Variants in LYST observed in about 807,000 individuals in gnomAD.
LYST encodes lysosomal trafficking regulator, also known as lysosomal-trafficking regulator.
LYST carries 192 observed loss-of-function variants against 413.6 expected under a neutral mutation model. That is an observed-to-expected ratio of 0.46 (90% CI 0.41 to 0.52). The LOEUF is 0.52. LYST is among the 20% of genes least tolerant of loss of function. LYST has a pLI of 0.00. For synonymous variants in LYST, 1,525 were observed against 1,567.3 expected, an observed-to-expected ratio of 0.97 and a Z score of 0.64; for missense variants, 3,815 against 4,499.9, an observed-to-expected ratio of 0.85 and a Z score of 4.35.
chr1:235,833,994 G>A (rs918136509), intron 1 of LYST, among the ~76,000 whole-genome samples: 2 of 152,086 alleles, frequency 1.3e-5, no homozygotes, highest in Non-Finnish European at 2.9e-5. Flanking sequence ...AGGAGGCAGC[G>A]GAATATCTAA....
At chr1:235,856,939 GAT>G (rs1679255465) in intron 1 of LYST, among the ~76,000 whole-genome samples, 4 of 128,332 alleles carry the variant, frequency 3.1e-5, no homozygotes, top group Admixed American at 1.6e-4. Context: ...AGGATATACT[GAT>G]TTTTTTTTTT....
Position 235,741,535 on chromosome 1 carries a change from C to A in LYST, c.8245G>T (p.Val2749Leu). ...TFRMQLGRLL[V>L]HILSPAHAAQ... ...GCGTGGGCTGGCGACAAAATATGCA[C>A]TAGTAGTCTCCCAAGCTGCATTCGG... Residue 2749 changes from valine to leucine, a missense_variant, in exon 31 of 53, where the codon GTG becomes TTG. Physicochemically the swap from Val to Leu is conservative, Grantham distance 32. Around this residue, in one of 4 missense-constraint regions of LYST, gnomAD observed 771 missense variants for 837.1 expected, o/e 0.92. Transcript: ENST00000389793. 6.2e-7 allele frequency: 1 copy of A among 1,614,028 alleles called. No individual in the cohort carries two copies. The highest frequency in any genetic ancestry group is 1.6e-4 in the Middle Eastern group (1 of 6,062).
chr1:235,829,781 G>A (rs530727540), intron 3 of LYST: 1 of 161,170 alleles, frequency 6.2e-6, no homozygotes, highest in Non-Finnish European at 1.4e-5. Context: ...ACAAGCTAAA[G>A]GACTCAGTAA....
chr1:235,714,718 G>A (rs1385169353), intron 42 of LYST, among the ~76,000 whole-genome samples: 1 of 152,148 alleles, frequency 6.6e-6, no homozygotes, highest in Non-Finnish European at 1.5e-5. Context: ...TGATGTAGAA[G>A]ATTATTAACT....
At chr1:235,699,297 C>T (rs984947731) in intron 45 of LYST, among the ~76,000 whole-genome samples, 1 of 152,122 alleles carries the variant, frequency 6.6e-6, no homozygotes, top group Non-Finnish European at 1.5e-5. Context: ...TCCATGTGTT[C>T]TCATTGTTCA....
chr1:235,756,910 T>C (rs552958283), intron 24 of LYST, among the ~76,000 whole-genome samples: 22 of 152,232 alleles, frequency 1.4e-4, no homozygotes, highest in African/African-American at 5.1e-4. Context: ...GATAGTACAC[T>C]GAAGAAGAGA....
At chr1:235,878,876 A>T (rs2103243111) in intron 1 of LYST, among the ~76,000 whole-genome samples, 1 of 152,232 alleles carries the variant, frequency 6.6e-6, no homozygotes, top group African/African-American at 2.4e-5. Flanking sequence ...TTCTTTGCAC[A>T]TTAGTATTTA....
Position 235,712,086 on chromosome 1 carries a change from T to C in LYST, c.9896A>G (p.Tyr3299Cys), listed in dbSNP as rs375053252. ...DVKELIPEFF[Y>C]LPEFLVNREG... ...ACGGTTAACTAGGAACTCTGGAAGA[T>C]AGAAAAACTCTGGGATAAGTTCTTT... Residue 3299 changes from tyrosine to cysteine, a missense_variant, in exon 43 of 53, where the codon TAT becomes TGT. Coordinates refer to ENST00000389793, the MANE Select transcript of LYST (RefSeq NM_000081.4). 1.9e-4 allele frequency: 301 copies of C among 1,549,342 alleles called. No individual in the cohort carries two copies. The highest frequency in any genetic ancestry group is 8.5e-4 in the East Asian group (35 of 41,252).
chr1:235,880,425 A>T (rs1280802718), intron 1 of LYST, among the ~76,000 whole-genome samples: 1 of 135,450 alleles, frequency 7.4e-6, no homozygotes. Flanking sequence ...TCCTGTGTTG[A>T]TTTATTACTC....
At position 235,734,537 on chromosome 1, in the gene LYST, C is replaced by T; in HGVS notation, c.8481G>A (p.Lys2827=). ...TTGTTGATGCACTGGGAGGGATGCA[C>T]TTGTGACCACATAACTTCAAAGCAT... is the stretch of plus-strand genomic sequence containing the variant. The part of the protein sequence containing the change: ...LMNALKLCGH[K]CIPPSASTKA... Residue 2827 remains lysine (K), a synonymous_variant, in exon 32 of 53, where the codon AAG becomes AAA. Transcript: ENST00000389793. 6.2e-7 allele frequency: 1 copy of T among 1,613,734 alleles called. No homozygotes were observed. Among genetic ancestry groups the T allele is most frequent in the Non-Finnish European group, 8.5e-7 (1 of 1,179,708 alleles).
chr1:235,819,131 C>T (rs115818700), intron 3 of LYST, among the ~76,000 whole-genome samples: 121 of 152,320 alleles, frequency 7.9e-4, no homozygotes, highest in African/African-American at 2.4e-3. Flanking sequence ...AATTGTAGTC[C>T]TGAAGAGGGC....
intron 47 of LYST, among the ~76,000 whole-genome samples, chr1:235,693,142 C>T (rs947408976): frequency 2.0e-5 from 3 of 151,998 alleles, no homozygotes; most frequent in African/African-American, 4.8e-5. Context: ...GATGAAATCC[C>T]GTCTCTACTA....
chr1:235,786,765 T>C (rs1381178225), intron 14 of LYST, among the ~76,000 whole-genome samples: 3 of 151,866 alleles, frequency 2.0e-5, no homozygotes, highest in Non-Finnish European at 2.9e-5. Flanking sequence ...CGGATGAAGC[T>C]GGAAATCATC....
intron 1 of LYST, among the ~76,000 whole-genome samples, chr1:235,861,934 A>G (rs1171089489): frequency 6.6e-6 from 1 of 152,240 alleles, no homozygotes; most frequent in Admixed American, 6.5e-5. Flanking sequence ...CAAAACAATT[A>G]GGCTAATCCC....
chr1:235,791,094 G>C (rs1049886881), intron 12 of LYST, among the ~76,000 whole-genome samples: 1 of 152,106 alleles, frequency 6.6e-6, no homozygotes, highest in Non-Finnish European at 1.5e-5. Context: ...GACCAGCCTG[G>C]CCAACATGGT....
chr1:235,849,275 C>A (rs1020806551), intron 1 of LYST, among the ~76,000 whole-genome samples: 1 of 152,058 alleles, frequency 6.6e-6, no homozygotes, highest in African/African-American at 2.4e-5. Context: ...ATCACATGAT[C>A]ATCTCAATAG....
chr1:235,733,042 T>G (rs1664512133), intron 34 of LYST, among the ~76,000 whole-genome samples: 2 of 152,182 alleles, frequency 1.3e-5, no homozygotes, highest in African/African-American at 4.8e-5. Flanking sequence ...TTCGAGTAAT[T>G]CTTTTATCCA....
chr1:235,722,320 T>C (rs967485195), intron 39 of LYST, among the ~76,000 whole-genome samples: 2 of 152,184 alleles, frequency 1.3e-5, no homozygotes, highest in African/African-American at 2.4e-5. Flanking sequence ...AGAAAAGATA[T>C]GATCCAACAT....
rs762839909 is a variant in LYST at position 235,791,876 on chromosome 1, C to T, written c.4366G>A (p.Val1456Ile). ...TTTTGCCCCAGCAACGGCAGGTGGA[C>T]TGGGGCTATGTGCCAAGATGAAAGC... ...RLLSSWHIAP[V>I]HLPLLGQNCW... Residue 1456 changes from valine to isoleucine, a missense_variant, in exon 12 of 53, where the codon GTC becomes ATC. Physicochemically the swap from Val to Ile is conservative, Grantham distance 29. Around this residue, in one of 4 missense-constraint regions of LYST, gnomAD observed 1,648 missense variants for 1,810.3 expected, o/e 0.91. Coordinates refer to ENST00000389793, the MANE Select transcript of LYST (RefSeq NM_000081.4). 3 of 1,613,952 alleles carry T rather than the reference C, an allele frequency of 1.9e-6. No homozygotes were observed. The highest frequency in any genetic ancestry group is 2.5e-6 in the Non-Finnish European group (3 of 1,180,010).
Sources: allele counts gnomAD v4.1 joint callset (sites outside exome capture counted in the v4.1 genomes callset), GRCh38; gene constraint gnomAD v4.1.1; regional missense constraint gnomAD v4.1.1; transcripts MANE v1.5; gene names NCBI Gene and HGNC (gene_info 2026-07-23, HGNC 2026-07-21).